Variants in GALNT13 observed in about 807,000 individuals in gnomAD.
GALNT13 encodes polypeptide N-acetylgalactosaminyltransferase 13.
A neutral mutation model predicts 64.2 loss-of-function variants in GALNT13; 28 were observed. The observed-to-expected ratio is 0.44, with a 90% confidence interval of 0.32 to 0.60. The LOEUF (loss-of-function observed/expected upper bound fraction) is 0.60. Ranked by LOEUF, GALNT13 falls within the 20% of genes least tolerant of loss-of-function variation. The pLI is 0.05. For synonymous variants in GALNT13, 214 were observed against 224.6 expected (o/e 0.95, Z 0.42); for missense variants, 577 against 669.8 (o/e 0.86, Z 1.53).
chr2:154,418,951 G>A (rs1233899954), intron 11 of GALNT13, among the ~76,000 whole-genome samples: 1 of 152,026 alleles, frequency 6.6e-6, no homozygotes, highest in Non-Finnish European at 1.5e-5. Flanking sequence ...TGTTTTTAGA[G>A]ATTCTATTTT....
chr2:153,345,711 C>CTT, the GALNT13 span, among the ~76,000 whole-genome samples: 5 of 48,384 alleles, frequency 1.0e-4, no homozygotes, highest in Non-Finnish European at 1.5e-4. Context: ...TTCTCTTTCT[C>CTT]TCTTTCTGTC....
At chr2:154,143,209 G>A (rs1291167289) in intron 4 of GALNT13, among the ~76,000 whole-genome samples, 2 of 152,018 alleles carry the variant, frequency 1.3e-5, no homozygotes, top group African/African-American at 4.8e-5. Context: ...TTCACAATAG[G>A]GTTTGTGCTC....
At chr2:153,814,469 A>AAGTAAGTAAG in the GALNT13 span, among the ~76,000 whole-genome samples, 144 of 65,340 alleles carry the variant, frequency 2.2e-3, 1 homozygote, top group African/African-American at 6.5e-3. Context: ...AAGTAAGTAA[A>AAGTAAGTAAG]TAAATAAATA....
At chr2:153,438,552 T>C in the GALNT13 span, among the ~76,000 whole-genome samples, 140 of 152,302 alleles carry the variant, frequency 9.2e-4, no homozygotes, top group African/African-American at 3.1e-3. Context: ...TCTAAACTTC[T>C]CTTCTTGCTT....
At chr2:153,189,396 CAT>C in the GALNT13 span, among the ~76,000 whole-genome samples, 23 of 152,150 alleles carry the variant, frequency 1.5e-4, no homozygotes, top group African/African-American at 5.6e-4. Context: ...CTGCAAATGA[CAT>C]ATTTTTTTGC....
chr2:154,307,726 G>C (rs2178091), intron 9 of GALNT13, among the ~76,000 whole-genome samples: 1 of 152,024 alleles, frequency 6.6e-6, no homozygotes. Flanking sequence ...GGCTGTTAAA[G>C]CCTATGGCAG....
At chr2:153,623,059 T>G in the GALNT13 span, among the ~76,000 whole-genome samples, 3 of 152,134 alleles carry the variant, frequency 2.0e-5, no homozygotes, top group African/African-American at 7.2e-5. Context: ...TGTGACTTCT[T>G]TATTAATTCT....
chr2:153,735,562 A>C, the GALNT13 span, among the ~76,000 whole-genome samples: 1 of 152,328 alleles, frequency 6.6e-6, no homozygotes, highest in Non-Finnish European at 1.5e-5. Context: ...ATAATTCCAC[A>C]GATCTTGCTC....
At chr2:153,339,367 C>T in the GALNT13 span, among the ~76,000 whole-genome samples, 1 of 152,142 alleles carries the variant, frequency 6.6e-6, no homozygotes, top group East Asian at 1.9e-4. Flanking sequence ...CTGATGATTA[C>T]TGATGCTGGC....
chr2:153,894,724 C>T (rs1325675141), intron 1 of GALNT13, among the ~76,000 whole-genome samples: 2 of 152,036 alleles, frequency 1.3e-5, no homozygotes, highest in Non-Finnish European at 2.9e-5. Flanking sequence ...AATGGGGTAA[C>T]AGCCAACATG....
chr2:153,527,335 T>G, the GALNT13 span, among the ~76,000 whole-genome samples: 1 of 152,178 alleles, frequency 6.6e-6, no homozygotes, highest in Non-Finnish European at 1.5e-5. Context: ...CCAATACATC[T>G]ATCAGTAGAC....
chr2:153,521,105 G>A, the GALNT13 span, among the ~76,000 whole-genome samples: 5 of 152,096 alleles, frequency 3.3e-5, no homozygotes, highest in Non-Finnish European at 4.4e-5. Flanking sequence ...ACCTGAAAGC[G>A]CCATATAAAG....
chr2:153,351,810 T>C, the GALNT13 span, among the ~76,000 whole-genome samples: 3,311 of 152,302 alleles, frequency 0.022, 128 homozygotes, highest in African/African-American at 0.074. Flanking sequence ...TTTTTAGTGC[T>C]GAATAATATT....
intron 12 of GALNT13, chr2:154,446,911 G>A: frequency 1.3e-6 from 1 of 784,666 alleles, no homozygotes; most frequent in Non-Finnish European, 1.8e-6. Flanking sequence ...TTACTTCCTA[G>A]CTACTCATTA....
chr2:154,076,205 A>G (rs747479387), intron 3 of GALNT13, among the ~76,000 whole-genome samples: 3 of 151,774 alleles, frequency 2.0e-5, no homozygotes, highest in Non-Finnish European at 4.4e-5. Flanking sequence ...TAACCACAAG[A>G]TGACTCTTAA....
At chr2:153,708,412 T>C in the GALNT13 span, among the ~76,000 whole-genome samples, 1 of 152,128 alleles carries the variant, frequency 6.6e-6, no homozygotes, top group African/African-American at 2.4e-5. Flanking sequence ...TTAACTGTTA[T>C]ACAGAATAGT....
chr2:154,022,675 C>T (rs919932264), intron 3 of GALNT13, among the ~76,000 whole-genome samples: 2 of 151,948 alleles, frequency 1.3e-5, no homozygotes, highest in African/African-American at 4.8e-5. Flanking sequence ...TTTTGGAGGG[C>T]TTTTTGTGTC....
At chr2:153,943,123 GTAGT>G (rs1691457698) in intron 2 of GALNT13, among the ~76,000 whole-genome samples, 1 of 152,122 alleles carries the variant, frequency 6.6e-6, no homozygotes. Context: ...GGTTAACCAG[GTAGT>G]TAAACAAATG....
intron 12 of GALNT13, among the ~76,000 whole-genome samples, chr2:154,440,352 T>G (rs1170369878): frequency 1.3e-5 from 2 of 152,146 alleles, no homozygotes; most frequent in Non-Finnish European, 2.9e-5. Flanking sequence ...ATTCTTTCAT[T>G]TCTCAAATAA....
Sources: allele counts gnomAD v4.1 joint callset (sites outside exome capture counted in the v4.1 genomes callset), GRCh38; gene constraint gnomAD v4.1.1; transcripts MANE v1.5; gene names NCBI Gene and HGNC (gene_info 2026-07-23, HGNC 2026-07-21).